MDN1: variants seen among roughly 807,000 people sequenced by gnomAD.
The protein encoded by MDN1 is midasin AAA ATPase 1, also known as midasin.
A neutral mutation model predicts 669.2 loss-of-function variants in MDN1; 266 were observed. The observed-to-expected ratio is 0.40, with a 90% CI of 0.36 to 0.44. The LOEUF (loss-of-function observed/expected upper bound fraction) is 0.44, where lower values mean the gene tolerates loss of function less well. MDN1 is among the 20% of genes least tolerant of loss of function. MDN1 has a pLI of 1.00. For missense variants in MDN1, 5,940 were observed against 6,754.0 expected (o/e 0.88, Z 4.22); for synonymous variants, 2,385 against 2,457.1 (o/e 0.97, Z 0.87).
intron 57 of MDN1, among the ~76,000 whole-genome samples, 166 bp downstream of exon 57, chr6:89,699,896 TA>T (rs200445217): frequency 4.8e-5 from 7 of 145,588 alleles, no homozygotes; most frequent in Admixed American, 3.4e-4. Flanking sequence ...TCAAAACTAG[TA>T]AAAAAAAAAC....
At chr6:89,689,708 C>A (rs182541088) in intron 65 of MDN1, among the ~76,000 whole-genome samples, 162 bp downstream of exon 65, 1 of 152,322 alleles carries the variant, frequency 6.6e-6, no homozygotes, top group Non-Finnish European at 1.5e-5. Flanking sequence ...AATCCTAAAT[C>A]AATTTTCTTG....
chr6:89,768,431 T>C (rs570179875), intron 15 of MDN1, among the ~76,000 whole-genome samples: 3 of 152,290 alleles, frequency 2.0e-5, no homozygotes, highest in African/African-American at 7.2e-5. Context: ...TGTGCTATGA[T>C]TGTGAGGTCT....
At position 89,662,255 on chromosome 6, in the gene MDN1, A is replaced by G; in HGVS notation, c.14413-16T>C. On this transcript the variant is annotated splice_polypyrimidine_tract_variant and intron_variant, in intron 86 of 101. Coordinates refer to ENST00000369393, the MANE Select transcript of MDN1 (RefSeq NM_014611.3). ...CAGAATCTTCCTAAATGTCAGAGGA[A>G]GAAAAAACAATCATCACACTCAATC... 6.2e-7 allele frequency: 1 copy of G among 1,600,396 alleles called. No individual in the cohort carries two copies. Among genetic ancestry groups the G allele is most frequent in the South Asian group, 1.1e-5 (1 of 87,940 alleles).
intron 37 of MDN1, among the ~76,000 whole-genome samples, chr6:89,725,856 T>A (rs1162308367): frequency 6.6e-6 from 1 of 151,186 alleles, no homozygotes; most frequent in Admixed American, 6.6e-5. Context: ...ATTACAGGCA[T>A]AAGCCACTGT....
chr6:89,690,259 A>C, intron 64 of MDN1, 116 bp from the exon 65 acceptor site: 1 of 1,071,784 alleles, frequency 9.3e-7, no homozygotes, highest in Non-Finnish European at 1.3e-6. Context: ...TAGGACTAAT[A>C]TATGTATTAA....
Position 89,750,431 on chromosome 6 carries a change from T to C in MDN1, c.3329A>G (p.Asn1110Ser). The change falls in exon 24 of 102, where the codon AAT (asparagine) becomes AGT (serine). Residue 1110 changes from asparagine to serine, a missense_variant. By Grantham distance (46) the Asn-to-Ser change is conservative. This residue lies in a region of MDN1 where 2,292 missense variants were observed against 2,638.3 expected (regional missense o/e 0.87). Transcript: ENST00000369393. ...ATGNHCVRIN[N>S]HEHTDIQEYI... ...CTCCTGAATATCCGTGTGTTCGTGA[T>C]TATTAATACGCACACAGTGGTTGCC... is the stretch of plus-strand genomic sequence containing the variant. 1.2e-6 allele frequency: 2 copies of C among 1,614,094 alleles called. No homozygotes were observed. Among genetic ancestry groups the C allele is most frequent in the African/African-American group, 1.3e-5 (1 of 75,050 alleles).
At chr6:89,775,828 G>T (rs1818328482) in intron 12 of MDN1, among the ~76,000 whole-genome samples, 1 of 152,048 alleles carries the variant, frequency 6.6e-6, no homozygotes, top group African/African-American at 2.4e-5. Flanking sequence ...TGGGATTACA[G>T]GCATGTGCCA....
chr6:89,677,686 A>C lies in MDN1; in HGVS notation c.12423T>G (p.Tyr4141Ter). ...FKHLAKIGLS[Y>*]RKGLAWARSK... ...AACGGGCCCAAGCAAGACCTTTGCG[A>C]TACGACAAACCTAGGAAATAAACAG... Residue 4141 changes from tyrosine (Y) to a stop codon, truncating the protein, a stop_gained, in exon 76 of 102, where the codon TAT becomes TAG. Coordinates refer to ENST00000369393, the MANE Select transcript of MDN1 (RefSeq NM_014611.3). LOFTEE classifies it high-confidence loss of function. 1 of 1,614,160 alleles carries C rather than the reference A, an allele frequency of 6.2e-7. No homozygotes were observed. Among genetic ancestry groups the C allele is most frequent in the South Asian group, 1.1e-5 (1 of 91,084 alleles).
chr6:89,763,389 A>C (rs916456842), intron 15 of MDN1, among the ~76,000 whole-genome samples: 1 of 151,860 alleles, frequency 6.6e-6, no homozygotes, highest in East Asian at 1.9e-4. Context: ...GTGGTACTCC[A>C]AAGCTCAACT....
Position 89,699,708 on chromosome 6 carries a change from G to T in MDN1, c.8890C>A (p.Pro2964Thr), listed in dbSNP as rs755763378. 7.4e-6 allele frequency: 12 copies of T among 1,613,814 alleles called. No individual in the cohort carries two copies. The highest frequency in any genetic ancestry group is 5.9e-6 in the Non-Finnish European group (7 of 1,179,940). Residue 2964 changes from proline to threonine, a missense_variant, in exon 58 of 102, where the codon CCC becomes ACC. Around this residue, in one of 5 missense-constraint regions of MDN1, gnomAD observed 2,292 missense variants for 2,638.3 expected, o/e 0.87. Coordinates refer to ENST00000369393, the MANE Select transcript of MDN1 (RefSeq NM_014611.3). ...TGACTTATCTCCTCATTTATCTGGG[G>T]TTGTTGATTTTTGCTGCATCTGTTC... ...CLRRCSKNQQ[P>T]QINEEISHLI...
Position 89,674,211 on chromosome 6 carries a change from C to G in MDN1, c.13140G>C (p.Trp4380Cys). ...CTGTTAATCTCGTAGTTGACTGTTG[C>G]CAAAGGTGATCCTGTTTCCGCATCC... ...GCRMRKQDHLWQQSTTRLTEM... is the reference protein window; with the variant it reads ...GCRMRKQDHLCQQSTTRLTEM... Residue 4380 changes from tryptophan to cysteine, a missense_variant, in exon 79 of 102, where the codon TGG becomes TGC. Physicochemically the swap from Trp to Cys is radical, Grantham distance 215. Around this residue, in one of 5 missense-constraint regions of MDN1, gnomAD observed 2,280 missense variants for 2,576.3 expected, o/e 0.88. Coordinates refer to ENST00000369393, the MANE Select transcript of MDN1 (RefSeq NM_014611.3). 1 of 1,614,184 alleles carries G rather than the reference C, an allele frequency of 6.2e-7. No homozygotes were observed. Among genetic ancestry groups the G allele is most frequent in the Non-Finnish European group, 8.5e-7 (1 of 1,180,038 alleles).
intron 13 of MDN1, among the ~76,000 whole-genome samples, chr6:89,774,030 T>TC (rs912650180): frequency 2.5e-4 from 38 of 151,616 alleles, no homozygotes; most frequent in African/African-American, 9.0e-4. Context: ...GAAAGCATTC[T>TC]CCCCTAGAGC....
intron 46 of MDN1, 145 bp downstream of exon 46, chr6:89,714,398 T>G: frequency 1.3e-6 from 1 of 758,288 alleles, no homozygotes; most frequent in Non-Finnish European, 2.0e-6. Flanking sequence ...TCTTGGGGTG[T>G]CTGGAAATCC....
Position 89,761,706 on chromosome 6 carries a change from A to G in MDN1, c.2399T>C (p.Leu800Pro), listed in dbSNP as rs1369854721. 1 of 1,612,498 alleles carries G rather than the reference A, an allele frequency of 6.2e-7. No homozygotes were observed. The change falls in exon 17 of 102, where the codon CTC (leucine) becomes CCC (proline). Residue 800 changes from leucine (L) to proline (P), a missense_variant. This residue lies in a region of MDN1 where 1,203 missense variants were observed against 1,268.9 expected (regional missense o/e 0.95). Coordinates refer to ENST00000369393, the MANE Select transcript of MDN1 (RefSeq NM_014611.3). ...KEKWEAFGLR[L>P]NHAQQQMKMT... ...TTTCATCTGTTGTTGGGCATGGTTG[A>G]GTCTAAGACCAAATGCTTCCCATTT...
At chr6:89,806,437 C>T (rs1012896049) in intron 1 of MDN1, among the ~76,000 whole-genome samples, 1 of 152,094 alleles carries the variant, frequency 6.6e-6, no homozygotes, top group African/African-American at 2.4e-5. Context: ...GCTGGTGTGG[C>T]CAGGAGTGGT....
intron 1 of MDN1, among the ~76,000 whole-genome samples, chr6:89,812,749 G>A (rs1439307448): frequency 6.6e-6 from 1 of 151,844 alleles, no homozygotes; most frequent in Non-Finnish European, 1.5e-5. Flanking sequence ...TACATGTATC[G>A]GCTGAAATGT....
intron 1 of MDN1, chr6:89,815,286 A>G: frequency 2.1e-6 from 1 of 471,624 alleles, no homozygotes; most frequent in Non-Finnish European, 4.2e-6. Context: ...CCTAGCACCT[A>G]TGGGGAGCAG....
At chr6:89,671,128 A>G (rs1192933124) in intron 82 of MDN1, 48 bp from the exon 83 acceptor site, 2 of 1,578,444 alleles carry the variant, frequency 1.3e-6, no homozygotes, top group African/African-American at 2.7e-5. Context: ...CTTGGCAGGT[A>G]CCAGGTTTCC....
intron 8 of MDN1, 61 bp from the exon 9 acceptor site, chr6:89,785,187 C>A (rs1401282124): frequency 9.0e-7 from 1 of 1,115,698 alleles, no homozygotes; most frequent in South Asian, 1.3e-5. Flanking sequence ...CTGAATTGTG[C>A]CTCTGGATAT....
Sources: gnomAD v4.1 joint callset for allele counts (sites outside exome capture counted in the v4.1 genomes callset) on GRCh38, gnomAD v4.1.1 for gene constraint, gnomAD v4.1.1 regional missense constraint, MANE v1.5 for transcripts, NCBI Gene and HGNC (gene_info 2026-07-23, HGNC 2026-07-21) for gene names.